The following TBC1D1 variants were observed in gnomAD, a reference collection of about 807,000 sequenced individuals.
The protein encoded by TBC1D1 is TBC1 domain family member 1, also known as TBC1 (tre-2/USP6, BUB2, cdc16) domain family, member 1.
TBC1D1 carries 89 observed loss-of-function variants against 125.6 expected under a neutral mutation model. That is an observed-to-expected ratio of 0.71 (90% CI 0.60 to 0.85). The LOEUF (loss-of-function observed/expected upper bound fraction) is 0.85. Ranked by LOEUF, TBC1D1 falls within the 40% of genes least tolerant of loss-of-function variation. The pLI is 0.00. For missense variants in TBC1D1, 1,377 were observed against 1,469.2 expected (o/e 0.94, Z 1.03); for synonymous variants, 565 against 564.1 (o/e 1.00, Z -0.02).
chr4:37,893,732 A>G (rs759774835), intron 1 of TBC1D1, among the ~76,000 whole-genome samples: 5 of 152,204 alleles, frequency 3.3e-5, no homozygotes, highest in Non-Finnish European at 7.3e-5. Context: ...AGGCTGAGAC[A>G]GGAGAATCGC....
intron 6 of TBC1D1, among the ~76,000 whole-genome samples, chr4:38,022,772 T>G (rs1744309685): frequency 6.6e-6 from 1 of 152,196 alleles, no homozygotes; most frequent in Non-Finnish European, 1.5e-5. Context: ...TCTGAAGGCA[T>G]CTGGAAGGTG....
At chr4:38,032,178 G>A (rs1746288091) in intron 7 of TBC1D1, among the ~76,000 whole-genome samples, 1 of 152,158 alleles carries the variant, frequency 6.6e-6, no homozygotes, top group African/African-American at 2.4e-5. Context: ...AATTAGCCAG[G>A]CATGGTGGTG....
chr4:37,944,885 C>A (rs1726342356), intron 2 of TBC1D1, among the ~76,000 whole-genome samples: 1 of 152,190 alleles, frequency 6.6e-6, no homozygotes, highest in Admixed American at 6.5e-5. Context: ...GAACCCGGTA[C>A]CTCATTTGGA....
chr4:37,936,733 G>C (rs1724479011), intron 2 of TBC1D1, among the ~76,000 whole-genome samples: 1 of 152,166 alleles, frequency 6.6e-6, no homozygotes, highest in Non-Finnish European at 1.5e-5. Context: ...GCAGGGTCTG[G>C]GAAGAAGTGA....
At chr4:37,989,796 G>A (rs1736189118) in intron 2 of TBC1D1, among the ~76,000 whole-genome samples, 1 of 152,176 alleles carries the variant, frequency 6.6e-6, no homozygotes, top group South Asian at 2.1e-4. Flanking sequence ...AACTCTGTGG[G>A]GTTAGTTCCC....
chr4:38,024,554 C>T (rs1744695836), intron 6 of TBC1D1, among the ~76,000 whole-genome samples: 1 of 152,186 alleles, frequency 6.6e-6, no homozygotes, highest in African/African-American at 2.4e-5. Context: ...CAAAACTCTA[C>T]TAACATGAGA....
intron 2 of TBC1D1, chr4:37,960,993 G>C: frequency 6.2e-7 from 1 of 1,614,136 alleles, no homozygotes; most frequent in Non-Finnish European, 8.5e-7. Context: ...CAAGCATTCT[G>C]TCGACCCTGG....
intron 11 of TBC1D1, 41 bp from the exon 12 acceptor site, chr4:38,051,858 C>T: frequency 6.5e-7 from 1 of 1,534,552 alleles, no homozygotes; most frequent in Non-Finnish European, 8.8e-7. Flanking sequence ...GGCGCCCCCT[C>T]TCCTGCTAAC....
chr4:38,130,181 A>G (rs1423040956), intron 18 of TBC1D1, among the ~76,000 whole-genome samples: 1 of 152,248 alleles, frequency 6.6e-6, no homozygotes, highest in Non-Finnish European at 1.5e-5. Flanking sequence ...GAAGCCAGTT[A>G]TATATAGCGA....
chr4:38,102,995 A>T lies in TBC1D1; in HGVS notation c.2399-4A>T. 6.2e-7 allele frequency: 1 copy of T among 1,612,442 alleles called. No individual in the cohort carries two copies. The highest frequency in any genetic ancestry group is 1.1e-5 in the South Asian group (1 of 90,582). ...TATTTCCATGTCTTCTCTCCCTTTT[A>T]AAGGTGTGCCACGTCATCACCGAGG... is the stretch of plus-strand genomic sequence containing the variant. On this transcript the variant is annotated splice_polypyrimidine_tract_variant and splice_region_variant and intron_variant, in intron 14 of 19. Transcript: ENST00000261439.
intron 2 of TBC1D1, among the ~76,000 whole-genome samples, chr4:37,980,440 C>G (rs1734126444): frequency 6.6e-6 from 1 of 152,218 alleles, no homozygotes; most frequent in Admixed American, 6.5e-5. Context: ...AACAACCTGT[C>G]AGTTTTGAGT....
intron 17 of TBC1D1, among the ~76,000 whole-genome samples, 154 bp from the exon 20 acceptor site, chr4:38,124,804 ACTGT>A (rs1173168614): frequency 6.6e-6 from 1 of 152,186 alleles, no homozygotes; most frequent in East Asian, 1.9e-4. Flanking sequence ...TCTTGACAAC[ACTGT>A]CTGAGATATC....
chr4:37,979,743 G>A (rs749056776), intron 2 of TBC1D1, among the ~76,000 whole-genome samples: 12 of 152,166 alleles, frequency 7.9e-5, no homozygotes, highest in Non-Finnish European at 1.2e-4. Context: ...GGTGGGTGTC[G>A]GTTGATTCAC....
chr4:37,991,500 G>A (rs777039263), intron 2 of TBC1D1, among the ~76,000 whole-genome samples: 42 of 152,296 alleles, frequency 2.8e-4, no homozygotes, highest in Middle Eastern at 3.4e-3. Flanking sequence ...AGACCCCAGG[G>A]TGGGCACCAC....
chr4:38,014,701 A>G lies in TBC1D1; in HGVS notation c.610A>G (p.Ser204Gly). The change falls in exon 3 of 20, where the codon AGC becomes GGC. Residue 204 changes from serine (S) to glycine (G), a missense_variant. Physicochemically the swap from Ser to Gly is moderately conservative, Grantham distance 56 (BLOSUM62 0). Coordinates refer to ENST00000261439, the MANE Select transcript of TBC1D1 (RefSeq NM_015173.4). This position sits in a 1 kb window ranked among gnomAD's most constrained non-coding sequence, Gnocchi z 5.1. ...GTGCATCGAGAAGTTCAATCACGTC[A>G]GCGGCAGCCGGGGGTCCGAGAGCCC... The G allele has an allele frequency of 6.2e-7, 1 of 1,612,782 alleles. No individual in the cohort carries two copies. The highest frequency in any genetic ancestry group is 8.5e-7 in the Non-Finnish European group (1 of 1,179,928).
chr4:38,066,195 T>C (rs909619204), intron 12 of TBC1D1, among the ~76,000 whole-genome samples: 1 of 152,132 alleles, frequency 6.6e-6, no homozygotes, highest in Non-Finnish European at 1.5e-5. Context: ...ATGTATCTTA[T>C]GTTGGAAGTA....
At chr4:38,058,758 C>CA (rs1350430505) in intron 12 of TBC1D1, among the ~76,000 whole-genome samples, 1 of 152,042 alleles carries the variant, frequency 6.6e-6, no homozygotes, top group East Asian at 1.9e-4. Flanking sequence ...AACAGTAATA[C>CA]AAAAACCATG....
rs1403860752 is a variant in TBC1D1 at position 38,118,835 on chromosome 4, T to C, written c.2962+643T>C. On this transcript the variant is annotated intron_variant, in intron 17 of 19. Coordinates refer to ENST00000261439, the MANE Select transcript of TBC1D1 (RefSeq NM_015173.4). ...CCTTGGGTGGTTCACATGTAAAACC[T>C]GCCTTTATATTCTTGATTTACTTTT... is the stretch of plus-strand genomic sequence containing the variant. 5.9e-5 allele frequency among the ~76,000 whole-genome samples: 9 copies of C among 152,374 alleles called. No individual in the cohort carries two copies. The East Asian group carries it at 1.5e-3, about 26-fold the overall frequency.
At chr4:38,082,649 C>G (rs1756776231) in intron 12 of TBC1D1, among the ~76,000 whole-genome samples, 1 of 152,194 alleles carries the variant, frequency 6.6e-6, no homozygotes, top group Admixed American at 6.5e-5. Context: ...TGATCCTTCT[C>G]CAGCTCCTGT....
Sources: allele counts gnomAD v4.1 joint callset (sites outside exome capture counted in the v4.1 genomes callset), GRCh38; gene constraint gnomAD v4.1.1; non-coding constraint Gnocchi (gnomAD v3.1); transcripts MANE v1.5; gene names NCBI Gene and HGNC (gene_info 2026-07-23, HGNC 2026-07-21).